OSBPL2: variants seen among roughly 807,000 people sequenced by gnomAD.
The protein encoded by OSBPL2 is oxysterol-binding protein-related protein 2.
Under a neutral mutation model 58.4 loss-of-function variants are expected in OSBPL2, and 18 were observed. That is an observed-to-expected ratio of 0.31 (90% confidence interval 0.21 to 0.46). The LOEUF (loss-of-function observed/expected upper bound fraction) is 0.46. Among genes scored for constraint, OSBPL2 ranks in the 20% least tolerant of loss-of-function variants. OSBPL2 has a pLI of 1.00. For missense variants in OSBPL2, 461 were observed against 616.5 expected, an observed-to-expected ratio of 0.75 and a Z score of 2.67; for synonymous variants, 221 against 234.1, an observed-to-expected ratio of 0.94 and a Z score of 0.51.
At chr20:62,260,941 G>A (rs1350099988) in intron 3 of OSBPL2, among the ~76,000 whole-genome samples, 3 of 152,208 alleles carry the variant, frequency 2.0e-5, no homozygotes, top group Non-Finnish European at 2.9e-5. Context: ...GGTGAGCTAC[G>A]ATGGCGCCGC....
intron 1 of OSBPL2, among the ~76,000 whole-genome samples, chr20:62,254,658 C>T (rs1015306681): frequency 1.3e-5 from 2 of 152,258 alleles, no homozygotes; most frequent in Non-Finnish European, 2.9e-5. Context: ...CACTGGGGGC[C>T]GTTCTCGCCC....
chr20:62,280,164 A>T, intron 7 of OSBPL2: 1 of 1,240,138 alleles, frequency 8.1e-7, no homozygotes, highest in South Asian at 1.3e-5. Context: ...TGTTGTAGGC[A>T]GCAGGTCCTA....
At chr20:62,247,656 C>CCTTT (rs1187081571) in intron 1 of OSBPL2, among the ~76,000 whole-genome samples, 3 of 151,130 alleles carry the variant, frequency 2.0e-5, no homozygotes, top group Non-Finnish European at 2.9e-5. Context: ...TCCTTAGGGT[C>CCTTT]CTTTCTTTCT....
chr20:62,249,663 C>T (rs1273519390), intron 1 of OSBPL2, among the ~76,000 whole-genome samples: 1 of 152,222 alleles, frequency 6.6e-6, no homozygotes, highest in Non-Finnish European at 1.5e-5. Flanking sequence ...CAACCTCCGC[C>T]TCCCAGGTTC....
chr20:62,259,892 A>T, intron 2 of OSBPL2, 89 bp from the exon 3 acceptor site: 2 of 1,195,146 alleles, frequency 1.7e-6, no homozygotes, highest in Non-Finnish European at 2.4e-6. Context: ...CTCTGTAGTC[A>T]CCTGCTTGCA....
At chr20:62,241,537 C>A (rs1979733890) in intron 1 of OSBPL2, among the ~76,000 whole-genome samples, 1 of 152,270 alleles carries the variant, frequency 6.6e-6, no homozygotes, top group Non-Finnish European at 1.5e-5. Context: ...TGTCCCCATG[C>A]AAGCCATGTC....
At chr20:62,283,360 G>A (rs1038995472) in intron 9 of OSBPL2, among the ~76,000 whole-genome samples, 1 of 152,142 alleles carries the variant, frequency 6.6e-6, no homozygotes, top group African/African-American at 2.4e-5. Context: ...CCCCTCCTGG[G>A]TCCCGAGTCT....
chr20:62,248,672 C>CTTGCTTTATTTA (rs1555842481), intron 1 of OSBPL2, among the ~76,000 whole-genome samples: 1 of 147,742 alleles, frequency 6.8e-6, no homozygotes, highest in Non-Finnish European at 1.5e-5. Context: ...GTCAGATCTG[C>CTTGCTTTATTTA]TTTATTTATT....
intron 3 of OSBPL2, 63 bp downstream of exon 3, chr20:62,260,188 A>G (rs1981207180): frequency 1.3e-6 from 2 of 1,516,714 alleles, no homozygotes; most frequent in South Asian, 1.2e-5. Flanking sequence ...AATACTCTGC[A>G]GGGTACCCCT....
chr20:62,281,746 G>T lies in OSBPL2; in HGVS notation c.783-44G>T, dbSNP rs1363780319. 4 of 1,455,502 alleles carry T rather than the reference G, an allele frequency of 2.7e-6. No individual in the cohort carries two copies. The South Asian group carries it at 4.6e-5, about 17-fold the overall frequency. The allele number at this position is 1,455,502 out of a possible 1,614,324, so 90.2% of individuals were successfully genotyped here. On this transcript the variant is annotated intron_variant, in intron 8 of 13. Coordinates refer to ENST00000313733, the MANE Select transcript of OSBPL2 (RefSeq NM_144498.4). The stretch of plus-strand genomic sequence containing the variant: ...TGTTACAGAGTTACCCTTTCCGGCT[G>T]TTTGCTGTCTTGCAGCAGAAACCTG...
At chr20:62,263,958 G>C (rs1419175334) in intron 4 of OSBPL2, among the ~76,000 whole-genome samples, 1 of 151,772 alleles carries the variant, frequency 6.6e-6, no homozygotes, top group African/African-American at 2.4e-5. Context: ...CCAGCTACTC[G>C]GGAGGCTGAG....
intron 1 of OSBPL2, among the ~76,000 whole-genome samples, chr20:62,240,932 G>A (rs901321308): frequency 3.3e-5 from 5 of 152,284 alleles, no homozygotes; most frequent in East Asian, 1.9e-4. Flanking sequence ...GCTGACAGGC[G>A]TACAGTCCAG....
intron 9 of OSBPL2, among the ~76,000 whole-genome samples, chr20:62,282,690 G>A (rs1982868674): frequency 6.6e-6 from 1 of 152,178 alleles, no homozygotes; most frequent in Non-Finnish European, 1.5e-5. Context: ...AGCCAGGTGT[G>A]ATGGCGCACA....
intron 12 of OSBPL2, among the ~76,000 whole-genome samples, chr20:62,290,173 C>T (rs773090355): frequency 1.4e-4 from 22 of 152,144 alleles, no homozygotes; most frequent in Non-Finnish European, 2.5e-4. Context: ...AGATGGAATC[C>T]GCAGTGAAAC....
chr20:62,293,300 G>C (rs1026828672), intron 13 of OSBPL2, among the ~76,000 whole-genome samples: 10 of 152,186 alleles, frequency 6.6e-5, no homozygotes, highest in African/African-American at 2.2e-4. Context: ...CTCGGGCCCT[G>C]AGTGCCAGCC....
At chr20:62,246,987 A>G (rs1980163434) in intron 1 of OSBPL2, among the ~76,000 whole-genome samples, 1 of 152,104 alleles carries the variant, frequency 6.6e-6, no homozygotes, top group Non-Finnish European at 1.5e-5. Context: ...CTTTCCAAGC[A>G]TTTGAGTGGC....
At position 62,280,303 on chromosome 20, in the gene OSBPL2, G is replaced by A. The variant is rs1982698004; in HGVS notation, c.675-755G>A. The stretch of plus-strand genomic sequence containing the variant: ...TCCACAAGGACCTGGAGAAGCCCCT[G>A]AGAGTGTGTCCTGGGGCTGGTATGG... On this transcript the variant is annotated intron_variant, in intron 7 of 13. Coordinates refer to ENST00000313733, the MANE Select transcript of OSBPL2 (RefSeq NM_144498.4). The A allele has an allele frequency of 1.1e-5, 4 of 371,640 alleles. No homozygotes were observed. In the Admixed American group the frequency reaches 1.2e-4, roughly 11 times the overall value. 23.0% of individuals were successfully genotyped at this position (371,640 alleles called of 1,614,324 possible). A position where few individuals can be genotyped will look rare whatever the true frequency, so the allele number is the denominator to read the frequency against.
intron 4 of OSBPL2, among the ~76,000 whole-genome samples, chr20:62,266,894 G>A (rs1981705169): frequency 6.6e-6 from 1 of 152,214 alleles, no homozygotes; most frequent in Non-Finnish European, 1.5e-5. Flanking sequence ...TTGCAGTCCT[G>A]TGTCTGGACC....
intron 1 of OSBPL2, among the ~76,000 whole-genome samples, chr20:62,244,179 C>T (rs1211938610): frequency 6.6e-6 from 1 of 152,198 alleles, no homozygotes; most frequent in Non-Finnish European, 1.5e-5. Flanking sequence ...AGGACAACAG[C>T]CTCTCACCTG....
Sources: gnomAD v4.1 joint callset for allele counts (sites outside exome capture counted in the v4.1 genomes callset) on GRCh38, gnomAD v4.1.1 for gene constraint, MANE v1.5 for transcripts, NCBI Gene and HGNC (gene_info 2026-07-23, HGNC 2026-07-21) for gene names.